Variants in EML6 observed in about 807,000 individuals in gnomAD.
EML6 encodes the protein EMAP like 6.
A neutral mutation model predicts 240.1 loss-of-function variants in EML6; 154 were observed. That is an observed-to-expected ratio of 0.64 (90% CI 0.56 to 0.73). The LOEUF is 0.73. EML6 is among the 30% of genes least tolerant of loss of function. The pLI is 0.00. For synonymous variants in EML6, 1,148 were observed against 899.0 expected (o/e 1.28, Z -4.95); for missense variants, 2,964 against 2,474.6 (o/e 1.20, Z -4.20).
intron 26 of EML6, among the ~76,000 whole-genome samples, chr2:54,926,305 T>A (rs1355719333): frequency 6.6e-6 from 1 of 152,234 alleles, no homozygotes; most frequent in Non-Finnish European, 1.5e-5. Context: ...TTTCACCATG[T>A]TGGCCAGGCT....
At chr2:54,843,744 G>C (rs1022582908) in intron 7 of EML6, among the ~76,000 whole-genome samples, 3 of 151,626 alleles carry the variant, frequency 2.0e-5, no homozygotes, top group Admixed American at 2.0e-4. Context: ...TTGGGAGGCT[G>C]AGGCAGGAGA....
intron 11 of EML6, among the ~76,000 whole-genome samples, chr2:54,856,715 G>A (rs1340756571): frequency 1.3e-5 from 2 of 152,202 alleles, no homozygotes; most frequent in Admixed American, 6.5e-5. Context: ...GGGCTGTGTC[G>A]TAAAGGGCCC....
At chr2:54,859,768 C>G (rs1278543088) in intron 12 of EML6, 67 bp downstream of exon 12, 1 of 1,342,466 alleles carries the variant, frequency 7.4e-7, no homozygotes, top group African/African-American at 1.5e-5. Flanking sequence ...AATGGTCTAA[C>G]ATGTATTCTA....
rs973340414 is a variant in EML6 at position 54,957,657 on chromosome 2, G to C, written c.4487-133G>C. On this transcript the variant is annotated intron_variant, in intron 32 of 41. Coordinates refer to ENST00000356458, the MANE Select transcript of EML6 (RefSeq NM_001039753.4). ...TGCCACCTGGGGAATAGTGTCTGAA[G>C]GGGAGAGAGTGCTGTAAAGAAGAAC... is the stretch of plus-strand genomic sequence containing the variant. 28 of 763,554 alleles carry C rather than the reference G, an allele frequency of 3.7e-5. No homozygotes were observed. The Admixed American group carries it at 6.1e-4, about 17-fold the overall frequency. The allele number at this position is 763,554 out of a possible 1,614,324, so 47.3% of individuals were successfully genotyped here. A position where few individuals can be genotyped will look rare whatever the true frequency, so the allele number is the denominator to read the frequency against.
intron 7 of EML6, among the ~76,000 whole-genome samples, chr2:54,843,471 C>T (rs1669570127): frequency 1.3e-5 from 2 of 151,994 alleles, no homozygotes; most frequent in African/African-American, 2.4e-5. Flanking sequence ...ACATAGTTAT[C>T]CTAAGTCAAG....
At chr2:54,846,025 G>A (rs922743368) in intron 8 of EML6, among the ~76,000 whole-genome samples, 2 of 152,212 alleles carry the variant, frequency 1.3e-5, no homozygotes, top group Non-Finnish European at 2.9e-5. Context: ...GGCTCACTCA[G>A]TTTGGGGTGC....
chr2:54,904,383 C>T (rs1405354738), intron 24 of EML6, among the ~76,000 whole-genome samples: 1 of 152,172 alleles, frequency 6.6e-6, no homozygotes, highest in Non-Finnish European at 1.5e-5. Flanking sequence ...GCATTCCCAC[C>T]TTCAGAGACG....
chr2:54,789,539 A>G (rs12053276), intron 2 of EML6, among the ~76,000 whole-genome samples: 15,742 of 141,690 alleles, frequency 0.11, 1,508 homozygotes, highest in East Asian at 0.31. Flanking sequence ...AAAAAAAAAA[A>G]AAAAAAAAAG....
intron 8 of EML6, 126 bp from the exon 9 acceptor site, chr2:54,847,360 C>T: frequency 1.1e-6 from 1 of 936,230 alleles, no homozygotes; most frequent in Non-Finnish European, 1.6e-6. Flanking sequence ...ATAAAGGGCT[C>T]TGGTGTGAAG....
At chr2:54,952,430 A>C (rs1431366722) in intron 30 of EML6, among the ~76,000 whole-genome samples, 164 bp from the exon 31 acceptor site, 1 of 151,720 alleles carries the variant, frequency 6.6e-6, no homozygotes, top group African/African-American at 2.4e-5. Flanking sequence ...ATTCCAAAAA[A>C]ACGACCCTTC....
intron 2 of EML6, among the ~76,000 whole-genome samples, chr2:54,780,851 G>C (rs1320505737): frequency 6.6e-6 from 1 of 152,196 alleles, no homozygotes; most frequent in Non-Finnish European, 1.5e-5. Flanking sequence ...TGTTGCATGA[G>C]TATAATAGAT....
At chr2:54,874,272 T>G (rs1180425949) in intron 16 of EML6, among the ~76,000 whole-genome samples, 1 of 152,184 alleles carries the variant, frequency 6.6e-6, no homozygotes, top group Non-Finnish European at 1.5e-5. Context: ...GAACAAGAAA[T>G]TAAGTGAGCT....
intron 2 of EML6, among the ~76,000 whole-genome samples, chr2:54,734,442 A>G (rs1271351434): frequency 7.2e-5 from 11 of 152,268 alleles, no homozygotes; most frequent in Non-Finnish European, 1.5e-4. Flanking sequence ...TGGTGGCCAT[A>G]GCCTTGGAAG....
intron 25 of EML6, among the ~76,000 whole-genome samples, chr2:54,912,662 T>C (rs1429214500): frequency 6.6e-6 from 1 of 152,236 alleles, no homozygotes; most frequent in Non-Finnish European, 1.5e-5. Context: ...ATGTGGTATT[T>C]GGTATTCTGT....
At chr2:54,860,553 C>G (rs1670620884) in intron 12 of EML6, among the ~76,000 whole-genome samples, 1 of 152,194 alleles carries the variant, frequency 6.6e-6, no homozygotes, top group Non-Finnish European at 1.5e-5. Flanking sequence ...CCTCCCATGA[C>G]TCATCCCATC....
chr2:54,832,708 T>C (rs562261739), intron 7 of EML6, among the ~76,000 whole-genome samples: 1 of 150,100 alleles, frequency 6.7e-6, no homozygotes, highest in Non-Finnish European at 1.5e-5. Context: ...GAAAGCAGAG[T>C]GGACAGAAGA....
intron 7 of EML6, among the ~76,000 whole-genome samples, chr2:54,841,274 T>C (rs990010268): frequency 4.6e-5 from 7 of 152,234 alleles, no homozygotes; most frequent in Non-Finnish European, 8.8e-5. Context: ...TAATTGACCC[T>C]GAACTACTGT....
intron 25 of EML6, among the ~76,000 whole-genome samples, chr2:54,916,004 A>G (rs573136390): frequency 1.3e-5 from 2 of 152,360 alleles, no homozygotes; most frequent in South Asian, 2.1e-4. Context: ...GATTTAACCT[A>G]TACAAATTAC....
chr2:54,736,229 G>A (rs1326103088), intron 2 of EML6, among the ~76,000 whole-genome samples: 1 of 152,186 alleles, frequency 6.6e-6, no homozygotes, highest in East Asian at 1.9e-4. Flanking sequence ...GCAAGAGAAG[G>A]CCAATTTACA....
Sources: gnomAD v4.1 joint callset for allele counts (sites outside exome capture counted in the v4.1 genomes callset) on GRCh38, gnomAD v4.1.1 for gene constraint, MANE v1.5 for transcripts, NCBI Gene and HGNC (gene_info 2026-07-23, HGNC 2026-07-21) for gene names.